TRAPPC9: variants seen among roughly 807,000 people sequenced by gnomAD.
The protein encoded by TRAPPC9 is IKK2 binding protein.
Under a neutral mutation model 124.0 loss-of-function variants are expected in TRAPPC9, and 83 were observed. The ratio of observed to expected loss-of-function variants is 0.67; its 90% CI spans 0.56 to 0.80. The LOEUF (loss-of-function observed/expected upper bound fraction) is 0.80. TRAPPC9 is among the 30% of genes least tolerant of loss of function. The pLI is 0.00. For missense variants in TRAPPC9, 1,302 were observed against 1,508.3 expected (o/e 0.86, Z 2.27); for synonymous variants, 638 against 617.5 (o/e 1.03, Z -0.49).
chr8:139,938,687 G>A (rs180788967), intron 19 of TRAPPC9, among the ~76,000 whole-genome samples: 2,788 of 150,484 alleles, frequency 0.019, 102 homozygotes, highest in African/African-American at 0.064. Context: ...CGCCCAGGCC[G>A]GACTGTGGAC....
intron 15 of TRAPPC9, among the ~76,000 whole-genome samples, chr8:140,267,715 G>A (rs2064730702): frequency 6.6e-6 from 1 of 152,186 alleles, no homozygotes. Context: ...CACCCAGGCT[G>A]CAGTGCAATG....
In TRAPPC9 at chr8:139,984,683, G is replaced by A. The variant is rs1042872577; in HGVS notation, c.2810+4043C>T. Among the ~76,000 whole-genome samples the A allele has an allele frequency of 3.3e-5, 5 of 152,290 alleles. No individual in the cohort carries two copies. The highest frequency in any genetic ancestry group is 7.2e-5 in the African/African-American group (3 of 41,564). On this transcript the variant is annotated intron_variant, in intron 19 of 22. Coordinates refer to ENST00000438773, the MANE Select transcript of TRAPPC9 (RefSeq NM_001160372.4). The surrounding 1 kb of genome is among the most constrained non-coding windows in gnomAD (Gnocchi z 4.3). ...TCTGCACAACCCCTCCACGGAGGCC[G>A]AGTGTGCATCTGACCCACAGGAGGC...
At chr8:139,931,411 G>A (rs1192802110) in intron 19 of TRAPPC9, 1 of 152,186 alleles carries the variant, frequency 6.6e-6, no homozygotes, top group Non-Finnish European at 1.5e-5. Flanking sequence ...CTAGAAAGAA[G>A]GATGAACACT....
chr8:140,352,013 C>T (rs1395817872), intron 9 of TRAPPC9, among the ~76,000 whole-genome samples: 1 of 152,186 alleles, frequency 6.6e-6, no homozygotes, highest in African/African-American at 2.4e-5. Context: ...ACCCTTTAGC[C>T]ATCGCCCCCA....
chr8:140,368,004 G>A (rs551630802), intron 8 of TRAPPC9, among the ~76,000 whole-genome samples: 32 of 152,268 alleles, frequency 2.1e-4, no homozygotes, highest in African/African-American at 7.2e-4. Context: ...CATAAACCTC[G>A]TCTCAGAGCA....
intron 17 of TRAPPC9, among the ~76,000 whole-genome samples, chr8:140,114,737 G>C (rs1336896279): frequency 2.0e-5 from 3 of 152,204 alleles, no homozygotes; most frequent in African/African-American, 7.2e-5. Flanking sequence ...ATGGGAGCGG[G>C]AGGGAGAACC....
At chr8:140,376,553 T>TAAAAAAAA (rs34319639) in intron 7 of TRAPPC9, among the ~76,000 whole-genome samples, 3 of 49,764 alleles carry the variant, frequency 6.0e-5, no homozygotes, top group Non-Finnish European at 7.3e-5. Context: ...AGACTCCATC[T>TAAAAAAAA]AAAAAAAAAA....
intron 7 of TRAPPC9, among the ~76,000 whole-genome samples, chr8:140,393,200 T>C (rs1053752815): frequency 2.0e-5 from 3 of 151,960 alleles, no homozygotes; most frequent in African/African-American, 4.8e-5. Flanking sequence ...GCCTCCCGAG[T>C]AGCTGGTATT....
Position 140,063,244 on chromosome 8 carries a change from CACA to C in TRAPPC9, c.2557-39168_2557-39166del, listed in dbSNP as rs1842731380. ...ATTTACAGTGAGATTCGGGTGGGAG[CACA>C]AAGCCTAAGCATATCACCAACACAT... On this transcript the variant is annotated intron_variant, in intron 17 of 22. Coordinates refer to ENST00000438773, the MANE Select transcript of TRAPPC9 (RefSeq NM_001160372.4). This position sits in a 1 kb window ranked among gnomAD's most constrained non-coding sequence, Gnocchi z 4.3. 6.6e-6 allele frequency among the ~76,000 whole-genome samples: 1 copy of C among 152,156 alleles called. No individual in the cohort carries two copies. Among genetic ancestry groups the C allele is most frequent in the Non-Finnish European group, 1.5e-5 (1 of 68,024 alleles).
At chr8:139,939,620 T>C (rs1833775313) in intron 19 of TRAPPC9, among the ~76,000 whole-genome samples, 1 of 152,152 alleles carries the variant, frequency 6.6e-6, no homozygotes, top group Non-Finnish European at 1.5e-5. Flanking sequence ...ATGTGCATCC[T>C]GGCAGCCCCG....
intron 21 of TRAPPC9, among the ~76,000 whole-genome samples, chr8:139,733,123 T>C (rs1234627105): frequency 2.0e-5 from 3 of 152,108 alleles, no homozygotes; most frequent in African/African-American, 7.2e-5. Flanking sequence ...GAAGATGTAA[T>C]TAAGTGAAAG....
chr8:140,348,460 C>G (rs1444392359), intron 9 of TRAPPC9, among the ~76,000 whole-genome samples: 1 of 152,120 alleles, frequency 6.6e-6, no homozygotes, highest in Non-Finnish European at 1.5e-5. Flanking sequence ...CCAGCAGTGT[C>G]TCAACAGCAA....
At chr8:140,423,579 T>C (rs867431940) in intron 5 of TRAPPC9, among the ~76,000 whole-genome samples, 4 of 145,440 alleles carry the variant, frequency 2.8e-5, no homozygotes, top group African/African-American at 1.0e-4. Flanking sequence ...AAATGTGGCA[T>C]ACACACACAC....
At chr8:140,297,815 G>C in intron 11 of TRAPPC9, among the ~76,000 whole-genome samples, 1 of 152,358 alleles carries the variant, frequency 6.6e-6, no homozygotes, top group East Asian at 1.9e-4. Flanking sequence ...AGTCTCGATA[G>C]TCAACTTCTC....
At chr8:140,114,751 A>G (rs1308453923) in intron 17 of TRAPPC9, among the ~76,000 whole-genome samples, 2 of 152,206 alleles carry the variant, frequency 1.3e-5, no homozygotes, top group African/African-American at 4.8e-5. Context: ...GAGAACCGCA[A>G]AGCCTCCTCG....
chr8:140,361,380 C>A (rs777041359), intron 8 of TRAPPC9, among the ~76,000 whole-genome samples: 2 of 152,112 alleles, frequency 1.3e-5, no homozygotes, highest in Non-Finnish European at 2.9e-5. Flanking sequence ...AGAGATGCTG[C>A]GTCAGCCAGG....
In TRAPPC9 at chr8:140,387,577, C is replaced by T. The variant is rs531098289; in HGVS notation, c.1134+10043G>A. Among the ~76,000 whole-genome samples, 65 of 152,308 alleles carry T rather than the reference C, an allele frequency of 4.3e-4. No individual in the cohort carries two copies. The South Asian group carries it at 0.013, about 31-fold the overall frequency. ...CAAGTGGGCGAAGGATATGAACAGA[C>T]ACTTCTCAAAAGAAGACATTTATGC... On this transcript the variant is annotated intron_variant, in intron 7 of 22. Coordinates refer to ENST00000438773, the MANE Select transcript of TRAPPC9 (RefSeq NM_001160372.4).
chr8:140,048,994 G>A (rs1841802375), intron 17 of TRAPPC9, among the ~76,000 whole-genome samples: 1 of 152,190 alleles, frequency 6.6e-6, no homozygotes, highest in African/African-American at 2.4e-5. Context: ...GAGAAGCTGA[G>A]GCGGAAGGAA....
chr8:139,744,076 C>T (rs954109123), intron 21 of TRAPPC9, among the ~76,000 whole-genome samples: 10 of 152,330 alleles, frequency 6.6e-5, no homozygotes, highest in Middle Eastern at 6.8e-3. Context: ...CTCACAGGTA[C>T]GCATGAACAC....
Sources: gnomAD v4.1 joint callset for allele counts (sites outside exome capture counted in the v4.1 genomes callset) on GRCh38, gnomAD v4.1.1 for gene constraint, Gnocchi (gnomAD v3.1) non-coding constraint, MANE v1.5 for transcripts, NCBI Gene and HGNC (gene_info 2026-07-23, HGNC 2026-07-21) for gene names.